Variants in SDK1 observed in about 807,000 individuals in gnomAD.
SDK1 encodes protein sidekick-1.
In SDK1, 157 loss-of-function variants were observed where a neutral mutation model predicts 245.5. That is an observed-to-expected ratio of 0.64 (90% CI 0.56 to 0.73). The LOEUF is 0.73. Ranked by LOEUF, SDK1 falls within the 30% of genes least tolerant of loss-of-function variation. The pLI, the probability that SDK1 is intolerant of heterozygous loss-of-function variation, is 0.00. For synonymous variants in SDK1, 1,647 were observed against 1,278.5 expected, an observed-to-expected ratio of 1.29 and a Z score of -6.15; for missense variants, 3,583 against 3,002.3, an observed-to-expected ratio of 1.19 and a Z score of -4.52.
intron 4 of SDK1, among the ~76,000 whole-genome samples, chr7:3,679,320 A>C (rs560974470): frequency 2.0e-5 from 3 of 152,122 alleles, no homozygotes; most frequent in Non-Finnish European, 4.4e-5. Context: ...TAATCCCAGC[A>C]CTTTGGGAGG....
chr7:3,814,476 C>G (rs1200569943), intron 4 of SDK1, among the ~76,000 whole-genome samples: 1 of 151,820 alleles, frequency 6.6e-6, no homozygotes, highest in African/African-American at 2.4e-5. Flanking sequence ...ATCTGTATCT[C>G]TGTTTTGGTA....
chr7:3,757,777 C>T (rs916466795), intron 4 of SDK1, among the ~76,000 whole-genome samples: 1 of 152,112 alleles, frequency 6.6e-6, no homozygotes, highest in Non-Finnish European at 1.5e-5. Context: ...CTGATTAAAT[C>T]GTTGGTCCTA....
At chr7:3,927,767 A>G (rs1196133332) in intron 5 of SDK1, among the ~76,000 whole-genome samples, 2 of 152,254 alleles carry the variant, frequency 1.3e-5, no homozygotes, top group African/African-American at 2.4e-5. Flanking sequence ...TTTCATAAAT[A>G]GATTTCTGAG....
intron 1 of SDK1, among the ~76,000 whole-genome samples, chr7:3,399,749 A>AG (rs1778832746): frequency 6.6e-6 from 1 of 151,950 alleles, no homozygotes; most frequent in African/African-American, 2.4e-5. Context: ...TCCTTCTGTG[A>AG]GGGGCTCTGT....
chr7:3,524,066 A>G lies in SDK1; in HGVS notation c.299-95014A>G, dbSNP rs546871380. The stretch of plus-strand genomic sequence containing the variant: ...TTCATTGACAACATTGGTTCGTTCA[A>G]CAAATATTGCCTGAGAAGAAGACAT... On this transcript the variant is annotated intron_variant, in intron 1 of 44. Coordinates refer to ENST00000404826, the MANE Select transcript of SDK1 (RefSeq NM_152744.4). 7.9e-5 allele frequency among the ~76,000 whole-genome samples: 12 copies of G among 152,320 alleles called. 1 individual carries two copies. In the South Asian group the frequency reaches 1.4e-3, roughly 18 times the overall value.
intron 4 of SDK1, among the ~76,000 whole-genome samples, chr7:3,660,954 G>C (rs1332614792): frequency 6.6e-6 from 1 of 152,212 alleles, no homozygotes; most frequent in Non-Finnish European, 1.5e-5. Context: ...AGGGTCTGTA[G>C]TTTAATGAGT....
intron 1 of SDK1, among the ~76,000 whole-genome samples, chr7:3,436,743 A>C (rs1489299251): frequency 6.6e-6 from 1 of 152,136 alleles, no homozygotes; most frequent in Non-Finnish European, 1.5e-5. Flanking sequence ...AGAATGTTTA[A>C]ATTAGAACAG....
intron 5 of SDK1, among the ~76,000 whole-genome samples, chr7:3,894,715 T>TTC (rs1554277551): frequency 2.0e-5 from 3 of 150,862 alleles, no homozygotes; most frequent in African/African-American, 7.3e-5. Flanking sequence ...TTTTTTTTTT[T>TTC]TGAGACGGAG....
intron 1 of SDK1, among the ~76,000 whole-genome samples, chr7:3,537,264 G>A (rs1251333906): frequency 3.3e-5 from 5 of 152,120 alleles, no homozygotes; most frequent in Admixed American, 6.5e-5. Flanking sequence ...TTTGATCACT[G>A]CTTACAGATC....
chr7:3,467,093 A>T (rs959288865), intron 1 of SDK1, among the ~76,000 whole-genome samples: 2 of 145,500 alleles, frequency 1.4e-5, no homozygotes. Context: ...AAAAGTCATT[A>T]TACCTGGTTG....
chr7:4,072,938 T>G (rs541416179), intron 20 of SDK1, among the ~76,000 whole-genome samples: 1 of 152,372 alleles, frequency 6.6e-6, no homozygotes, highest in African/African-American at 2.4e-5. Context: ...CCGCTCATTG[T>G]AAATTTCAGC....
chr7:3,448,558 A>G (rs1222972249), intron 1 of SDK1, among the ~76,000 whole-genome samples: 23 of 152,090 alleles, frequency 1.5e-4, no homozygotes, highest in Admixed American at 1.5e-3. Context: ...ATATTTGCCT[A>G]AATTCTCTTA....
At chr7:4,260,397 G>C (rs1211848529) in intron 44 of SDK1, among the ~76,000 whole-genome samples, 1 of 141,202 alleles carries the variant, frequency 7.1e-6, no homozygotes, top group African/African-American at 2.7e-5. Context: ...GCTGCTCCGG[G>C]GCCTCGGTGT....
At chr7:3,480,937 T>G (rs1781503108) in intron 1 of SDK1, among the ~76,000 whole-genome samples, 1 of 152,244 alleles carries the variant, frequency 6.6e-6, no homozygotes, top group Admixed American at 6.5e-5. Flanking sequence ...ACCTTCTTTC[T>G]GTTGGTATCC....
chr7:3,416,099 G>A (rs976876971), intron 1 of SDK1, among the ~76,000 whole-genome samples: 1 of 152,184 alleles, frequency 6.6e-6, no homozygotes, highest in Admixed American at 6.5e-5. Flanking sequence ...CTCCTTTAAA[G>A]TATGAAGTAT....
rs752933305 is a variant in SDK1, at chr7:4,208,288, A to G, written c.5401+3A>G. On this transcript the variant is annotated splice_donor_region_variant and intron_variant, in intron 37 of 44. Coordinates refer to ENST00000404826, the MANE Select transcript of SDK1 (RefSeq NM_152744.4). ...GCAGGGGCGCACCCACCAGGCCGGT[A>G]GGAGGAAGGCGGGTTTCCTTTGGGC... The G allele has an allele frequency of 6.2e-7, 1 of 1,611,646 alleles. No homozygotes were observed. Among genetic ancestry groups the G allele is most frequent in the Non-Finnish European group, 8.5e-7 (1 of 1,179,200 alleles).
At chr7:4,111,077 G>A (rs1783309233) in intron 23 of SDK1, among the ~76,000 whole-genome samples, 1 of 152,168 alleles carries the variant, frequency 6.6e-6, no homozygotes, top group African/African-American at 2.4e-5. Flanking sequence ...AGGCAGCAGA[G>A]ATGTGGCACT....
intron 5 of SDK1, among the ~76,000 whole-genome samples, chr7:3,840,363 G>A (rs541745078): frequency 6.6e-6 from 1 of 152,158 alleles, no homozygotes; most frequent in East Asian, 1.9e-4. Context: ...ATCTAACACT[G>A]TTTTTTCTAA....
intron 4 of SDK1, among the ~76,000 whole-genome samples, chr7:3,714,182 TAGACTC>T (rs770293739): frequency 6.6e-6 from 1 of 152,156 alleles, no homozygotes; most frequent in Admixed American, 6.5e-5. Flanking sequence ...GCTCTGGACT[TAGACTC>T]AGAGGGACGG....
Sources: allele counts gnomAD v4.1 joint callset (sites outside exome capture counted in the v4.1 genomes callset), GRCh38; gene constraint gnomAD v4.1.1; transcripts MANE v1.5; gene names NCBI Gene and HGNC (gene_info 2026-07-23, HGNC 2026-07-21).